Variants in RAPGEF5 observed in about 807,000 individuals in gnomAD.
RAPGEF5 encodes M-Ras-regulated GEF.
A neutral mutation model predicts 125.2 loss-of-function variants in RAPGEF5; 65 were observed. The observed-to-expected ratio is 0.52, with a 90% confidence interval of 0.43 to 0.64. RAPGEF5 has a LOEUF of 0.64. RAPGEF5 is among the 30% of genes least tolerant of loss of function. The pLI, the probability that RAPGEF5 is intolerant of heterozygous loss-of-function variation, is 0.00. For synonymous variants in RAPGEF5, 391 were observed against 385.9 expected, an observed-to-expected ratio of 1.01 and a Z score of -0.16; for missense variants, 958 against 1,048.1, an observed-to-expected ratio of 0.91 and a Z score of 1.19.
In RAPGEF5 at chr7:22,194,028, A is replaced by T; in HGVS notation, c.1002T>A (p.Asp334Glu). 6.2e-7 allele frequency: 1 copy of T among 1,612,532 alleles called. No homozygotes were observed. The highest frequency in any genetic ancestry group is 8.5e-7 in the Non-Finnish European group (1 of 1,179,212). ...TAACCTGAACAGTCGTCACTTCATC[A>T]TCTTGCTTTAATTGTGGACAGGGAT... ...KKEQEKSEHQ[D>E]DEVTTVQVKE... is the part of the protein sequence containing the mutation. The change falls in exon 10 of 26, where the codon GAT becomes GAA. Residue 334 changes from aspartate to glutamate, a missense_variant. Transcript: ENST00000665637.
chr7:22,229,706 T>C (rs1786012228), intron 8 of RAPGEF5, among the ~76,000 whole-genome samples: 1 of 152,178 alleles, frequency 6.6e-6, no homozygotes, highest in Non-Finnish European at 1.5e-5. Flanking sequence ...ATTAAACCAA[T>C]AAAACTGGTG....
intron 9 of RAPGEF5, among the ~76,000 whole-genome samples, chr7:22,208,677 G>A (rs994587775): frequency 4.6e-5 from 7 of 152,322 alleles, no homozygotes; most frequent in African/African-American, 1.7e-4. Flanking sequence ...TCCCTAGACT[G>A]AGATGTCTGC....
At chr7:22,156,185 TA>T (rs1385831466) in intron 16 of RAPGEF5, among the ~76,000 whole-genome samples, 2 of 152,248 alleles carry the variant, frequency 1.3e-5, no homozygotes, top group East Asian at 3.8e-4. Flanking sequence ...CTGTGAGTTA[TA>T]ATTGCATTAA....
intron 9 of RAPGEF5, among the ~76,000 whole-genome samples, chr7:22,212,502 T>C (rs1183417324): frequency 6.6e-6 from 1 of 152,220 alleles, no homozygotes; most frequent in Non-Finnish European, 1.5e-5. Context: ...AGGTCAGAGA[T>C]GTATCAGGGC....
chr7:22,166,052 T>C (rs1360543892), intron 12 of RAPGEF5, among the ~76,000 whole-genome samples: 3 of 147,020 alleles, frequency 2.0e-5, no homozygotes, highest in South Asian at 4.2e-4. Context: ...ATATGTATAT[T>C]ATATATATAT....
intron 11 of RAPGEF5, among the ~76,000 whole-genome samples, chr7:22,174,263 TGGA>T (rs942282963): frequency 3.3e-5 from 5 of 151,998 alleles, no homozygotes; most frequent in Non-Finnish European, 5.9e-5. Flanking sequence ...CAAGAAGAAT[TGGA>T]GGAGGAAAAG....
intron 23 of RAPGEF5, among the ~76,000 whole-genome samples, chr7:22,133,167 G>A (rs186106366): frequency 8.1e-4 from 123 of 152,310 alleles, no homozygotes; most frequent in African/African-American, 2.8e-3. Flanking sequence ...AGTAGAGTGT[G>A]TGGCGGCTCT....
intron 6 of RAPGEF5, among the ~76,000 whole-genome samples, chr7:22,289,498 G>A (rs547107869): frequency 4.7e-4 from 71 of 152,322 alleles, no homozygotes; most frequent in African/African-American, 1.7e-3. Flanking sequence ...GTATGTATGT[G>A]TGTGTACACA....
intron 5 of RAPGEF5, among the ~76,000 whole-genome samples, chr7:22,302,749 A>G (rs939882129): frequency 6.6e-6 from 1 of 151,488 alleles, no homozygotes; most frequent in Non-Finnish European, 1.5e-5. Context: ...TAACTTTACT[A>G]AAGGGTGCTT....
intron 1 of RAPGEF5, among the ~76,000 whole-genome samples, chr7:22,353,855 T>C (rs1193143296): frequency 6.6e-6 from 1 of 152,144 alleles, no homozygotes; most frequent in African/African-American, 2.4e-5. Context: ...GTTTGATTTT[T>C]TCCTAGTAAC....
chr7:22,252,362 T>C (rs563097317), intron 7 of RAPGEF5, among the ~76,000 whole-genome samples: 5 of 152,226 alleles, frequency 3.3e-5, no homozygotes, highest in Non-Finnish European at 5.9e-5. Flanking sequence ...TAGCTTTGTC[T>C]ACTAAGTGTT....
At chr7:22,224,022 T>C (rs1037997564) in intron 8 of RAPGEF5, among the ~76,000 whole-genome samples, 5 of 152,196 alleles carry the variant, frequency 3.3e-5, no homozygotes, top group African/African-American at 1.2e-4. Context: ...CGCAGCTACA[T>C]TCCAATGACA....
At chr7:22,136,783 T>A (rs949015518) in intron 22 of RAPGEF5, 150 bp downstream of exon 22, 22 of 665,788 alleles carry the variant, frequency 3.3e-5, no homozygotes, top group African/African-American at 7.5e-5. Context: ...CTTCCCTCCA[T>A]AAGAAGCAAA....
At chr7:22,237,759 C>T (rs981408859) in intron 7 of RAPGEF5, among the ~76,000 whole-genome samples, 1 of 152,168 alleles carries the variant, frequency 6.6e-6, no homozygotes, top group African/African-American at 2.4e-5. Flanking sequence ...TGGTGAGCAG[C>T]AGGACCTAGA....
intron 6 of RAPGEF5, among the ~76,000 whole-genome samples, chr7:22,281,402 G>C (rs944659046): frequency 6.6e-6 from 1 of 152,114 alleles, no homozygotes; most frequent in South Asian, 2.1e-4. Flanking sequence ...TGTAGAGACA[G>C]GTTCTCACTT....
At chr7:22,217,643 T>C (rs184342425) in intron 9 of RAPGEF5, among the ~76,000 whole-genome samples, 4 of 152,364 alleles carry the variant, frequency 2.6e-5, no homozygotes, top group Admixed American at 6.5e-5. Flanking sequence ...GCTTTGTTTA[T>C]ATTTATCACT....
intron 6 of RAPGEF5, among the ~76,000 whole-genome samples, chr7:22,276,812 T>C (rs1156998169): frequency 6.6e-6 from 1 of 152,214 alleles, no homozygotes; most frequent in African/African-American, 2.4e-5. Flanking sequence ...AATTAACATG[T>C]ATAAATCATC....
chr7:22,341,925 G>A (rs1784136636), intron 1 of RAPGEF5, among the ~76,000 whole-genome samples: 1 of 152,306 alleles, frequency 6.6e-6, no homozygotes, highest in African/African-American at 2.4e-5. Flanking sequence ...TCTGGGGTCT[G>A]GAGGACAGTG....
At chr7:22,255,465 T>C (rs1253756121) in intron 7 of RAPGEF5, among the ~76,000 whole-genome samples, 1 of 151,924 alleles carries the variant, frequency 6.6e-6, no homozygotes, top group Admixed American at 6.6e-5. Flanking sequence ...TGGTGGCACA[T>C]GACTGTAGTC....
Sources: gnomAD v4.1 joint callset for allele counts (sites outside exome capture counted in the v4.1 genomes callset) on GRCh38, gnomAD v4.1.1 for gene constraint, MANE v1.5 for transcripts, NCBI Gene and HGNC (gene_info 2026-07-23, HGNC 2026-07-21) for gene names.